SLC6A15: variants seen among roughly 807,000 people sequenced by gnomAD.
SLC6A15 encodes sodium-dependent neutral amino acid transporter B(0)AT2.
Under a neutral mutation model 68.5 loss-of-function variants are expected in SLC6A15, and 33 were observed. The observed-to-expected ratio is 0.48, with a 90% CI of 0.37 to 0.64. The LOEUF is 0.64. SLC6A15 is among the 30% of genes least tolerant of loss of function. SLC6A15 has a pLI of 0.00. For missense variants in SLC6A15, 747 were observed against 874.3 expected (o/e 0.85, Z 1.84); for synonymous variants, 347 against 301.0 (o/e 1.15, Z -1.58).
chr12:84,865,313 A>G (rs1205464153), intron 10 of SLC6A15, among the ~76,000 whole-genome samples: 1 of 152,216 alleles, frequency 6.6e-6, no homozygotes, highest in East Asian at 1.9e-4. Flanking sequence ...TTTAAGAGCA[A>G]TTTTAGGTTC....
intron 6 of SLC6A15, among the ~76,000 whole-genome samples, chr12:84,875,461 C>G (rs1039593486): frequency 1.3e-5 from 2 of 151,728 alleles, no homozygotes; most frequent in South Asian, 4.2e-4. Flanking sequence ...TCAAGGCAGC[C>G]GCCAGGAGTG....
intron 6 of SLC6A15, among the ~76,000 whole-genome samples, chr12:84,876,097 T>A (rs941314805): frequency 2.6e-5 from 4 of 151,842 alleles, no homozygotes; most frequent in African/African-American, 7.3e-5. Flanking sequence ...TCATTTTTTT[T>A]TTTGGGAAAA....
At chr12:84,872,864 C>A (rs953091822) in intron 7 of SLC6A15, 70 bp from the exon 8 acceptor site, 2 of 1,288,542 alleles carry the variant, frequency 1.6e-6, no homozygotes, top group African/African-American at 1.5e-5. Context: ...AACGACTATG[C>A]CATTATAAGC....
At chr12:84,886,146 G>T in intron 2 of SLC6A15, 78 bp from the exon 3 acceptor site, 3 of 1,007,724 alleles carry the variant, frequency 3.0e-6, no homozygotes, top group Non-Finnish European at 2.9e-6. Context: ...TCCCATTAAA[G>T]ATAATATTTG....
chr12:84,883,535 T>C, intron 5 of SLC6A15: 2 of 1,298,684 alleles, frequency 1.5e-6, no homozygotes, highest in Admixed American at 3.7e-5. Context: ...TTTAACTAAT[T>C]GGTAATTAGA....
At chr12:84,892,663 G>T (rs1006514039) in intron 1 of SLC6A15, among the ~76,000 whole-genome samples, 1 of 152,018 alleles carries the variant, frequency 6.6e-6, no homozygotes, top group Non-Finnish European at 1.5e-5. Context: ...CCCTGATTTT[G>T]TTCCTTGTGG....
chr12:84,875,141 AAT>A (rs1871461401), intron 6 of SLC6A15, among the ~76,000 whole-genome samples: 1 of 152,180 alleles, frequency 6.6e-6, no homozygotes, highest in Non-Finnish European at 1.5e-5. Context: ...TTAGAAAGAG[AAT>A]ATATTCTAGA....
intron 9 of SLC6A15, chr12:84,867,750 T>A (rs1459599600): frequency 6.6e-6 from 1 of 152,200 alleles, no homozygotes; most frequent in Non-Finnish European, 1.5e-5. Flanking sequence ...CACATTTATA[T>A]CTTTATCTTG....
chr12:84,885,651 T>C (rs966543128), intron 3 of SLC6A15, 90 bp from the exon 4 acceptor site: 20 of 1,314,832 alleles, frequency 1.5e-5, no homozygotes, highest in Middle Eastern at 2.5e-4. Context: ...TTTAACATTT[T>C]AAAATCCTCT....
intron 1 of SLC6A15, among the ~76,000 whole-genome samples, chr12:84,895,337 G>GTTTTTTT (rs1362312029): frequency 4.6e-5 from 3 of 65,422 alleles, no homozygotes; most frequent in African/African-American, 1.4e-4. Context: ...ATTTTTGTTT[G>GTTTTTTT]TATTTTTTTT....
intron 9 of SLC6A15, among the ~76,000 whole-genome samples, chr12:84,870,099 T>C (rs1175827541): frequency 3.3e-5 from 5 of 151,886 alleles, no homozygotes; most frequent in Non-Finnish European, 5.9e-5. Flanking sequence ...ACTTTTTGGA[T>C]AGGAATATCA....
At position 84,863,470 on chromosome 12, in the gene SLC6A15, G is replaced by A. The variant is rs769907639; in HGVS notation, c.1787C>T (p.Pro596Leu). ...TTCAATCCATGCGTTATAGCCAGGA[G>A]GACTTAATCCCATATTCACAACACT... ...IASVVNMGLS[P>L]PGYNAWIEDK... The change falls in exon 11 of 12, where the codon CCT becomes CTT. Residue 596 changes from proline (P) to leucine (L), a missense_variant. Coordinates refer to ENST00000266682, the MANE Select transcript of SLC6A15 (RefSeq NM_182767.6). The A allele has an allele frequency of 9.5e-6, 15 of 1,583,122 alleles. No individual in the cohort carries two copies. The Admixed American group carries it at 1.3e-4, about 14-fold the overall frequency.
chr12:84,869,732 A>T lies in SLC6A15; in HGVS notation c.1495+746T>A, dbSNP rs1344149976. Among the ~76,000 whole-genome samples the T allele has an allele frequency of 2.0e-5, 3 of 152,248 alleles. No homozygotes were observed. In the East Asian group the frequency reaches 5.8e-4, roughly 29 times the overall value. On this transcript the variant is annotated intron_variant, in intron 9 of 11. Transcript: ENST00000266682. ...GACAGTTCCATCGTATATTTAGATG[A>T]CCTAGACTCTTTTGAATTCTTATAT...
chr12:84,864,283 T>C (rs566280209), intron 10 of SLC6A15, among the ~76,000 whole-genome samples: 8 of 151,614 alleles, frequency 5.3e-5, no homozygotes, highest in Admixed American at 1.3e-4. Flanking sequence ...AACTAATTGT[T>C]ATGAATTGTT....
At chr12:84,863,342 A>G in intron 11 of SLC6A15, 97 bp downstream of exon 11, 3 of 869,440 alleles carry the variant, frequency 3.5e-6, no homozygotes, top group Non-Finnish European at 5.3e-6. Context: ...CATTCATTAA[A>G]CAGCAAAAAA....
intron 1 of SLC6A15, among the ~76,000 whole-genome samples, chr12:84,900,109 C>T (rs987807423): frequency 6.6e-6 from 1 of 152,002 alleles, no homozygotes; most frequent in African/African-American, 2.4e-5. Context: ...GTTTTCCAGG[C>T]TATAAACTTG....
In SLC6A15 at chr12:84,881,609, A is replaced by G. The variant is rs537122706; in HGVS notation, c.756+2250T>C. ...CCACTTAGCATTTTGGGGTATATGT[A>G]TATGCATGTATGACTGTGTGTTTTG... On this transcript the variant is annotated intron_variant, in intron 5 of 11. Transcript: ENST00000266682. The G allele has an allele frequency of 1.1e-3, 1,100 of 985,164 alleles. 2 individuals are homozygous for G. The highest frequency in any genetic ancestry group is 1.5e-3 in the Middle Eastern group (3 of 1,936). The allele number at this position is 985,164 out of a possible 1,614,324, so 61.0% of individuals were successfully genotyped here. A position where few individuals can be genotyped will look rare whatever the true frequency, so the allele number is the denominator to read the frequency against.
chr12:84,886,148 T>C, intron 2 of SLC6A15, 80 bp from the exon 3 acceptor site: 1 of 1,012,540 alleles, frequency 9.9e-7, no homozygotes, highest in Admixed American at 2.3e-5. Flanking sequence ...CCATTAAAGA[T>C]AATATTTGAA....
chr12:84,897,931 A>C (rs554398592), intron 1 of SLC6A15, among the ~76,000 whole-genome samples: 1 of 152,228 alleles, frequency 6.6e-6, no homozygotes, highest in Non-Finnish European at 1.5e-5. Context: ...AATTATGTGC[A>C]GGGGACAATT....
Sources: allele counts gnomAD v4.1 joint callset (sites outside exome capture counted in the v4.1 genomes callset), GRCh38; gene constraint gnomAD v4.1.1; transcripts MANE v1.5; gene names NCBI Gene and HGNC (gene_info 2026-07-23, HGNC 2026-07-21).